Variants in CSMD1 observed in about 807,000 individuals in gnomAD.
CSMD1 encodes CUB and Sushi multiple domains 1.
In CSMD1, 213 loss-of-function variants were observed where a neutral mutation model predicts 417.5. The observed-to-expected ratio is 0.51, with a 90% CI of 0.46 to 0.57. CSMD1 has a LOEUF of 0.57. Ranked by LOEUF, CSMD1 falls within the 20% of genes least tolerant of loss-of-function variation. The pLI, the probability that CSMD1 is intolerant of heterozygous loss-of-function variation, is 0.00. For synonymous variants in CSMD1, 2,862 were observed against 1,736.8 expected (o/e 1.65, Z -16.11); for missense variants, 6,923 against 4,529.7 (o/e 1.53, Z -15.17).
intron 1 of CSMD1, among the ~76,000 whole-genome samples, chr8:4,936,130 G>T (rs79711769): frequency 2.0e-5 from 3 of 152,162 alleles, no homozygotes; most frequent in Non-Finnish European, 4.4e-5. Flanking sequence ...TTTCTGTCCT[G>T]TTCCACATAA....
intron 3 of CSMD1, among the ~76,000 whole-genome samples, chr8:4,233,072 T>C (rs531425241): frequency 2.0e-4 from 30 of 152,358 alleles, no homozygotes; most frequent in South Asian, 1.2e-3. Flanking sequence ...TTAAAGCTCA[T>C]TGTTCTGTGC....
At chr8:4,931,004 T>C (rs1807210948) in intron 1 of CSMD1, among the ~76,000 whole-genome samples, 1 of 152,186 alleles carries the variant, frequency 6.6e-6, no homozygotes, top group Non-Finnish European at 1.5e-5. Flanking sequence ...ATATATGTAT[T>C]ATCAATGGGA....
intron 3 of CSMD1, among the ~76,000 whole-genome samples, chr8:4,400,177 T>G (rs1325206201): frequency 2.0e-5 from 3 of 152,208 alleles, no homozygotes; most frequent in African/African-American, 7.2e-5. Flanking sequence ...AATTACTGAT[T>G]AAATACAAGC....
At chr8:3,776,343 C>A (rs1162538745) in intron 5 of CSMD1, among the ~76,000 whole-genome samples, 4 of 152,172 alleles carry the variant, frequency 2.6e-5, no homozygotes, top group African/African-American at 9.7e-5. Flanking sequence ...TGAAGCGACA[C>A]TCTCCAGGGG....
At chr8:3,074,716 A>G (rs1813526822) in intron 49 of CSMD1, among the ~76,000 whole-genome samples, 2 of 152,266 alleles carry the variant, frequency 1.3e-5, no homozygotes, top group Non-Finnish European at 2.9e-5. Context: ...TGAAATTGCA[A>G]TAAATATACA....
At chr8:3,017,032 C>T (rs1228407517) in intron 52 of CSMD1, among the ~76,000 whole-genome samples, 1 of 152,202 alleles carries the variant, frequency 6.6e-6, no homozygotes, top group African/African-American at 2.4e-5. Flanking sequence ...TCCCAAAGCA[C>T]CAACGAAGGC....
rs568432760 is a variant in CSMD1, at chr8:3,242,429, T to A, written c.4154-12198A>T. 1.4e-3 allele frequency among the ~76,000 whole-genome samples: 208 copies of A among 152,016 alleles called. 1 individual carries two copies. Among genetic ancestry groups the A allele is most frequent in the African/African-American group, 4.8e-3 (201 of 41,498 alleles). On this transcript the variant is annotated intron_variant, in intron 26 of 69. Transcript: ENST00000635120. ...GAGTTGCATGGGAACAGAGACTAGG[T>A]AGGGACTGATGTGTAAAAGAATGCC...
chr8:4,360,790 G>A (rs1483658030), intron 3 of CSMD1, among the ~76,000 whole-genome samples: 2 of 152,032 alleles, frequency 1.3e-5, no homozygotes, highest in Non-Finnish European at 2.9e-5. Flanking sequence ...CACTGCACCC[G>A]GCCCCTCGGG....
rs1319095203 is a variant in CSMD1 at position 3,497,756 on chromosome 8, G to T, written c.1345-4030C>A. ...GCTTTTTAAATTATATTGTCACTTG[G>T]TTATTTCTGTTCTGGTTGTTTTGCA... On this transcript the variant is annotated intron_variant, in intron 10 of 69. Coordinates refer to ENST00000635120, the MANE Select transcript of CSMD1 (RefSeq NM_033225.6). Among the ~76,000 whole-genome samples the T allele has an allele frequency of 2.6e-5, 4 of 152,122 alleles. No homozygotes were observed. The East Asian group carries it at 7.7e-4, about 29-fold the overall frequency.
intron 1 of CSMD1, among the ~76,000 whole-genome samples, chr8:4,766,869 T>G (rs574481021): frequency 6.6e-6 from 1 of 152,200 alleles, no homozygotes; most frequent in African/African-American, 2.4e-5. Context: ...TATATAAATA[T>G]ACATTAAATC....
intron 42 of CSMD1, among the ~76,000 whole-genome samples, chr8:3,117,308 T>A (rs956862082): frequency 6.6e-6 from 1 of 152,172 alleles, no homozygotes; most frequent in African/African-American, 2.4e-5. Flanking sequence ...CCTGATCTTG[T>A]GATCCGCCCA....
intron 18 of CSMD1, among the ~76,000 whole-genome samples, chr8:3,381,381 G>C (rs1810616787): frequency 6.6e-6 from 1 of 151,948 alleles, no homozygotes; most frequent in Admixed American, 6.6e-5. Flanking sequence ...ATCCAAGAAA[G>C]CCATATGTGT....
At chr8:4,887,990 T>C (rs1803866019) in intron 1 of CSMD1, among the ~76,000 whole-genome samples, 1 of 152,086 alleles carries the variant, frequency 6.6e-6, no homozygotes. Context: ...TCTAACAATA[T>C]AGGCTTACAT....
At chr8:3,025,414 T>C (rs1563251324) in intron 51 of CSMD1, among the ~76,000 whole-genome samples, 1 of 152,048 alleles carries the variant, frequency 6.6e-6, no homozygotes, top group East Asian at 1.9e-4. Context: ...AACCGTGTAT[T>C]GTGTGGTGTT....
At chr8:4,061,547 C>G (rs1277993517) in intron 3 of CSMD1, among the ~76,000 whole-genome samples, 1 of 152,106 alleles carries the variant, frequency 6.6e-6, no homozygotes, top group African/African-American at 2.4e-5. Flanking sequence ...AGAAAGCCTA[C>G]AGAATAATAA....
chr8:3,023,819 C>T (rs917231495), intron 51 of CSMD1, among the ~76,000 whole-genome samples: 1 of 142,806 alleles, frequency 7.0e-6, no homozygotes, highest in African/African-American at 2.6e-5. Context: ...GGAGATCTTA[C>T]AAGCAGGGCC....
At chr8:3,793,717 G>C (rs1464582254) in intron 5 of CSMD1, among the ~76,000 whole-genome samples, 1 of 152,054 alleles carries the variant, frequency 6.6e-6, no homozygotes, top group African/African-American at 2.4e-5. Context: ...TTTATTTGTG[G>C]TCTTGTGCAC....
At chr8:4,721,370 G>C (rs549492080) in intron 1 of CSMD1, among the ~76,000 whole-genome samples, 2 of 152,180 alleles carry the variant, frequency 1.3e-5, no homozygotes, top group Non-Finnish European at 2.9e-5. Flanking sequence ...TGATAGACAA[G>C]TATAAACTAA....
Position 4,836,411 on chromosome 8 carries a change from T to C in CSMD1, c.85+157921A>G, listed in dbSNP as rs116116861. Among the ~76,000 whole-genome samples the C allele has an allele frequency of 5.5e-3, 837 of 152,306 alleles. 8 individuals are homozygous for C. The highest frequency in any genetic ancestry group is 0.019 in the African/African-American group (798 of 41,556). On this transcript the variant is annotated intron_variant, in intron 1 of 69. Transcript: ENST00000635120. ...ACTGACGCCTCAGCTGGGATTGTTA[T>C]CACCAGCCAGGGGGAAGAGATTTGT...
Sources: gnomAD v4.1 joint callset for allele counts (sites outside exome capture counted in the v4.1 genomes callset) on GRCh38, gnomAD v4.1.1 for gene constraint, MANE v1.5 for transcripts, NCBI Gene and HGNC (gene_info 2026-07-23, HGNC 2026-07-21) for gene names.